Variants in ANKRD30A observed in about 807,000 individuals in gnomAD.
ANKRD30A encodes ankyrin repeat domain-containing protein 30A.
Under a neutral mutation model 166.3 loss-of-function variants are expected in ANKRD30A, and 170 were observed. That is an observed-to-expected ratio of 1.02 (90% confidence interval 0.90 to 1.16). The LOEUF is 1.16. Ranked by LOEUF, ANKRD30A falls within the 50% of genes most tolerant of loss-of-function variation. The pLI, the probability that ANKRD30A is intolerant of heterozygous loss-of-function variation, is 0.00. For synonymous variants in ANKRD30A, 564 were observed against 508.9 expected (o/e 1.11, Z -1.46); for missense variants, 1,630 against 1,518.0 (o/e 1.07, Z -1.23).
intron 24 of ANKRD30A, among the ~76,000 whole-genome samples, chr10:37,179,599 CTT>C (rs1840046990): frequency 6.7e-6 from 1 of 149,228 alleles, no homozygotes; most frequent in Non-Finnish European, 1.5e-5. Context: ...ATTCATAACA[CTT>C]TTTCTGATGA....
At chr10:37,151,925 G>T (rs999683351) in intron 11 of ANKRD30A, 135 bp from the exon 12 acceptor site, 86 of 692,200 alleles carry the variant, frequency 1.2e-4, no homozygotes, top group Admixed American at 3.3e-4. Context: ...AGTAGTTATT[G>T]TAATCGACAA....
chr10:37,256,207 G>T, the ANKRD30A span, among the ~76,000 whole-genome samples: 1 of 152,152 alleles, frequency 6.6e-6, no homozygotes, highest in Non-Finnish European at 1.5e-5. Context: ...ATCTAAAGTA[G>T]CAGTCCCTGT....
At chr10:37,255,454 T>G in the ANKRD30A span, among the ~76,000 whole-genome samples, 1 of 152,246 alleles carries the variant, frequency 6.6e-6, no homozygotes, top group African/African-American at 2.4e-5. Flanking sequence ...CTATGATTAA[T>G]GTTACAATGT....
Position 37,203,992 on chromosome 10 carries a change from CACAA to C in ANKRD30A, c.2869+2673_2869+2676del, listed in dbSNP as rs546232194. ...CACTGCTTAACGAAATAAAAGAGGA[CACAA>C]ACAAATGGAAGAGCATTCCATGCTT... On this transcript the variant is annotated intron_variant, in intron 31 of 35. Transcript: ENST00000361713. Among the ~76,000 whole-genome samples the C allele has an allele frequency of 3.7e-3, 568 of 152,182 alleles. 1 individual carries two copies. The highest frequency in any genetic ancestry group is 0.013 in the African/African-American group (550 of 41,516).
chr10:37,236,434 C>CT (rs1269925458), downstream of ANKRD30A, among the ~76,000 whole-genome samples: 6 of 152,188 alleles, frequency 3.9e-5, no homozygotes, highest in Non-Finnish European at 8.8e-5. Context: ...AGGCAGCTTC[C>CT]TGCAGACATG....
At chr10:37,237,889 A>G in the ANKRD30A span, among the ~76,000 whole-genome samples, 3,038 of 152,310 alleles carry the variant, frequency 0.02, 89 homozygotes, top group African/African-American at 0.068. Flanking sequence ...AATGGAAATA[A>G]TAATTCTGAA....
the ANKRD30A span, among the ~76,000 whole-genome samples, chr10:37,238,417 G>T: frequency 6.6e-6 from 1 of 152,160 alleles, no homozygotes; most frequent in African/African-American, 2.4e-5. Context: ...CATGTGCCAT[G>T]TTGGTGTGCT....
chr10:37,178,579 A>G (rs1839918028), intron 24 of ANKRD30A: 1 of 978,876 alleles, frequency 1.0e-6, no homozygotes, highest in Non-Finnish European at 1.2e-6. Flanking sequence ...CAGGACAGAA[A>G]AGGTCAGGAG....
rs1330665492 is a variant in ANKRD30A, at chr10:37,157,563, C to T, written c.1799-829C>T. On this transcript the variant is annotated intron_variant, in intron 13 of 35. Coordinates refer to ENST00000361713, the MANE Select transcript of ANKRD30A (RefSeq NM_052997.3). The stretch of plus-strand genomic sequence containing the variant: ...GTAATTTTAGTGGAGACAGTGTTTC[C>T]AAAATAGTGATTTTGGCCAGGCTGG... Among the ~76,000 whole-genome samples the T allele has an allele frequency of 3.3e-5, 5 of 152,148 alleles. No homozygotes were observed. In the South Asian group the frequency reaches 6.2e-4, roughly 19 times the overall value.
At chr10:37,129,834 C>A in intron 1 of ANKRD30A, 59 bp from the exon 2 acceptor site, 2 of 976,980 alleles carry the variant, frequency 2.0e-6, no homozygotes, top group Non-Finnish European at 2.8e-6. Context: ...TTACATAACT[C>A]ATTGTATGTT....
intron 31 of ANKRD30A, among the ~76,000 whole-genome samples, chr10:37,206,766 C>G (rs1047630897): frequency 6.6e-6 from 1 of 151,952 alleles, no homozygotes; most frequent in African/African-American, 2.4e-5. Context: ...TGCACTCCAG[C>G]CTGGGTGGCA....
In ANKRD30A at chr10:37,142,045, T is replaced by C. The variant is rs1432285235; in HGVS notation, c.1148T>C (p.Ile383Thr). The change falls in exon 7 of 36, where the codon ATC becomes ACC. Residue 383 changes from isoleucine to threonine, a missense_variant. By Grantham distance (89) the Ile-to-Thr change is moderately conservative (BLOSUM62 -1). This residue lies in a region of ANKRD30A where 904 missense variants were observed against 818.5 expected (regional missense o/e 1.10). Transcript: ENST00000361713. ...CCAGCAAAAGGAAGACCTAGGAAGA[T>C]CGCATGGGAGAAAAAAGAAGACACA... ...TWPAKGRPRK[I>T]AWEKKEDTPR... 3 of 1,603,244 alleles carry C rather than the reference T, an allele frequency of 1.9e-6. No homozygotes were observed. The highest frequency in any genetic ancestry group is 2.8e-5 in the African/African-American group (2 of 71,366).
At chr10:37,156,389 A>T (rs1414783241) in intron 13 of ANKRD30A, among the ~76,000 whole-genome samples, 1 of 152,082 alleles carries the variant, frequency 6.6e-6, no homozygotes, top group Non-Finnish European at 1.5e-5. Flanking sequence ...ATAAAAAAAA[A>T]CTAAGGTGGT....
the ANKRD30A span, among the ~76,000 whole-genome samples, chr10:37,238,462 T>A: frequency 6.6e-6 from 1 of 152,214 alleles, no homozygotes; most frequent in Non-Finnish European, 1.5e-5. Context: ...ATTAGGTATA[T>A]CTCTCCTACC....
At chr10:37,258,758 T>C in the ANKRD30A span, among the ~76,000 whole-genome samples, 11 of 150,354 alleles carry the variant, frequency 7.3e-5, no homozygotes, top group African/African-American at 2.4e-4. Context: ...GGTCAGGAGA[T>C]TGAGACCATC....
chr10:37,193,012 A>G lies in ANKRD30A; in HGVS notation c.2513-52A>G. 3 of 1,582,834 alleles carry G rather than the reference A, an allele frequency of 1.9e-6. No homozygotes were observed. In the Admixed American group the frequency reaches 5.0e-5, roughly 26 times the overall value. ...TGTTGACAGTGCGTGAATGTTCGGT[A>G]GGCTTTGTCAAGCTTGCATACAATA... On this transcript the variant is annotated intron_variant, in intron 25 of 35. Coordinates refer to ENST00000361713, the MANE Select transcript of ANKRD30A (RefSeq NM_052997.3).
chr10:37,138,691 G>T (rs1181078903), intron 6 of ANKRD30A, among the ~76,000 whole-genome samples: 1 of 152,154 alleles, frequency 6.6e-6, no homozygotes, highest in Non-Finnish European at 1.5e-5. Context: ...AGAATAAAAA[G>T]AAATGAACAA....
At chr10:37,196,251 T>C (rs924680054) in intron 27 of ANKRD30A, among the ~76,000 whole-genome samples, 4 of 152,096 alleles carry the variant, frequency 2.6e-5, no homozygotes, top group African/African-American at 7.2e-5. Flanking sequence ...GAATGTAGAC[T>C]GTGGGCACTC....
rs528756328 is a variant in ANKRD30A, at chr10:37,216,406, T to C, written c.3083+12T>C. On this transcript the variant is annotated intron_variant, in intron 32 of 35. Coordinates refer to ENST00000361713, the MANE Select transcript of ANKRD30A (RefSeq NM_052997.3). ...CTCTGCAGTGTGAGGTGTGATTTCC[T>C]AGTTTTAAATAAATATTTCAGCTAT... The C allele has an allele frequency of 6.4e-7, 1 of 1,568,828 alleles. No homozygotes were observed. Among genetic ancestry groups the C allele is most frequent in the Non-Finnish European group, 8.6e-7 (1 of 1,160,374 alleles).
Sources: gnomAD v4.1 joint callset for allele counts (sites outside exome capture counted in the v4.1 genomes callset) on GRCh38, gnomAD v4.1.1 for gene constraint, gnomAD v4.1.1 regional missense constraint, MANE v1.5 for transcripts, NCBI Gene and HGNC (gene_info 2026-07-23, HGNC 2026-07-21) for gene names.